HDAC9: variants seen among roughly 807,000 people sequenced by gnomAD.
HDAC9 encodes the protein MEF-2 interacting transcription repressor (MITR) protein.
Under a neutral mutation model 139.4 loss-of-function variants are expected in HDAC9, and 41 were observed. That is an observed-to-expected ratio of 0.29 (90% CI 0.23 to 0.38). The LOEUF is 0.38. Among genes scored for constraint, HDAC9 ranks in the 10% least tolerant of loss-of-function variants. The pLI, the probability that HDAC9 is intolerant of heterozygous loss-of-function variation, is 1.00. For synonymous variants in HDAC9, 517 were observed against 476.2 expected, an observed-to-expected ratio of 1.09 and a Z score of -1.12; for missense variants, 1,147 against 1,297.0, an observed-to-expected ratio of 0.88 and a Z score of 1.78.
At chr7:18,686,304 C>A (rs2129094034) in intron 12 of HDAC9, among the ~76,000 whole-genome samples, 1 of 152,046 alleles carries the variant, frequency 6.6e-6, no homozygotes, top group Non-Finnish European at 1.5e-5. Context: ...GGTAATGTTC[C>A]AGCACTTGTA....
intron 2 of HDAC9, among the ~76,000 whole-genome samples, chr7:18,554,327 CTTTTTTTTTTTTT>C (rs34326798): frequency 1.2e-4 from 7 of 58,286 alleles, no homozygotes; most frequent in African/African-American, 1.5e-4. Flanking sequence ...TTACAGATCA[CTTTTTTTTTTTTT>C]TTTTTTTTTT....
intron 22 of HDAC9, among the ~76,000 whole-genome samples, chr7:18,894,243 G>A (rs1008408882): frequency 6.6e-6 from 1 of 152,110 alleles, no homozygotes; most frequent in East Asian, 1.9e-4. Context: ...GCTATTTAAA[G>A]CCGTAAGCCC....
At chr7:18,349,801 T>C (rs1782715126) in intron 1 of HDAC9, among the ~76,000 whole-genome samples, 3 of 152,138 alleles carry the variant, frequency 2.0e-5, no homozygotes, top group Admixed American at 2.0e-4. Context: ...ATATTTAGAA[T>C]AAAAGGTTTT....
At chr7:18,857,265 A>G (rs1797753105) in intron 21 of HDAC9, among the ~76,000 whole-genome samples, 1 of 151,544 alleles carries the variant, frequency 6.6e-6, no homozygotes, top group South Asian at 2.1e-4. Context: ...GAGGGTCAAG[A>G]TTGGCATTTT....
chr7:18,370,681 T>C (rs1784527861), intron 1 of HDAC9, among the ~76,000 whole-genome samples: 1 of 152,200 alleles, frequency 6.6e-6, no homozygotes, highest in South Asian at 2.1e-4. Flanking sequence ...TAGCCCTTGC[T>C]AGCAATATAC....
intron 17 of HDAC9, among the ~76,000 whole-genome samples, chr7:18,823,761 T>A (rs1350799131): frequency 1.3e-5 from 2 of 151,890 alleles, no homozygotes; most frequent in Non-Finnish European, 2.9e-5. Flanking sequence ...AAGTGATCAC[T>A]TGAGCTCAGG....
chr7:18,143,118 C>T (rs1355788192), intron 1 of HDAC9, among the ~76,000 whole-genome samples: 2 of 152,172 alleles, frequency 1.3e-5, no homozygotes, highest in Non-Finnish European at 2.9e-5. Context: ...GACACTAGGG[C>T]AAAGATCTCC....
chr7:18,318,865 A>G (rs1799835500), intron 1 of HDAC9, among the ~76,000 whole-genome samples: 2 of 152,188 alleles, frequency 1.3e-5, no homozygotes, highest in African/African-American at 4.8e-5. Flanking sequence ...CATAACGACT[A>G]GTATAGTGCT....
At chr7:18,554,424 C>T (rs1232615653) in intron 2 of HDAC9, among the ~76,000 whole-genome samples, 3 of 148,760 alleles carry the variant, frequency 2.0e-5, no homozygotes, top group Non-Finnish European at 4.4e-5. Context: ...CAAGCTCCAC[C>T]TCCTGGGTTC....
chr7:18,524,318 A>T (rs1214102568), intron 2 of HDAC9, among the ~76,000 whole-genome samples: 1 of 152,128 alleles, frequency 6.6e-6, no homozygotes, highest in African/African-American at 2.4e-5. Context: ...AATTGCAGGG[A>T]TTTTAAACTC....
intron 1 of HDAC9, among the ~76,000 whole-genome samples, chr7:18,370,832 A>G (rs1405701599): frequency 6.6e-6 from 1 of 152,186 alleles, no homozygotes; most frequent in Admixed American, 6.5e-5. Context: ...ACTGATTGGC[A>G]TTGATGGATG....
At chr7:18,483,493 T>C (rs1392743292) in intron 1 of HDAC9, among the ~76,000 whole-genome samples, 2 of 152,198 alleles carry the variant, frequency 1.3e-5, no homozygotes, top group Non-Finnish European at 2.9e-5. Context: ...CCTGTATCAG[T>C]AGGCATTGTT....
intron 1 of HDAC9, among the ~76,000 whole-genome samples, chr7:18,476,766 TC>T: frequency 6.6e-6 from 1 of 152,322 alleles, no homozygotes; most frequent in Middle Eastern, 3.4e-3. Context: ...TTTTCTTCGT[TC>T]TCTGTCCACA....
intron 17 of HDAC9, among the ~76,000 whole-genome samples, chr7:18,827,984 T>C (rs573054243): frequency 1.9e-4 from 29 of 152,234 alleles, no homozygotes; most frequent in Admixed American, 1.1e-3. Context: ...AGGGAATATG[T>C]TTATCACCAT....
intron 24 of HDAC9, among the ~76,000 whole-genome samples, chr7:18,966,648 T>C (rs1026500190): frequency 6.6e-6 from 1 of 151,844 alleles, no homozygotes; most frequent in Admixed American, 6.6e-5. Flanking sequence ...TTACCATGAA[T>C]GGAGATTGCA....
At chr7:18,792,559 T>C in intron 16 of HDAC9, among the ~76,000 whole-genome samples, 1 of 152,190 alleles carries the variant, frequency 6.6e-6, no homozygotes, top group Middle Eastern at 3.2e-3. Context: ...AACAGCATTT[T>C]ATAAAGGGAA....
At chr7:18,287,956 A>C (rs1262477666), upstream of HDAC9, among the ~76,000 whole-genome samples, 1 of 152,184 alleles carries the variant, frequency 6.6e-6, no homozygotes, top group African/African-American at 2.4e-5. Flanking sequence ...GTTTATAATT[A>C]TTTGAGCCTG....
intron 13 of HDAC9, among the ~76,000 whole-genome samples, chr7:18,733,050 T>TAC (rs910522704): frequency 6.1e-5 from 9 of 146,436 alleles, no homozygotes; most frequent in African/African-American, 1.5e-4. Context: ...TATACATATA[T>TAC]ACATGTGTAT....
chr7:18,332,392 TGA>T (rs761758884), intron 1 of HDAC9, among the ~76,000 whole-genome samples: 29 of 90,546 alleles, frequency 3.2e-4, no homozygotes, highest in Admixed American at 6.8e-4. Flanking sequence ...TGTGTGTGTG[TGA>T]GAGAGAGAGA....
Sources: gnomAD v4.1 joint callset for allele counts (sites outside exome capture counted in the v4.1 genomes callset) on GRCh38, gnomAD v4.1.1 for gene constraint, MANE v1.5 for transcripts, NCBI Gene and HGNC (gene_info 2026-07-23, HGNC 2026-07-21) for gene names.